NUBPL: variants seen among roughly 807,000 people sequenced by gnomAD.
NUBPL encodes NUBP iron-sulfur cluster assembly factor, mitochondrial.
Under a neutral mutation model 45.7 loss-of-function variants are expected in NUBPL, and 31 were observed. That is an observed-to-expected ratio of 0.68 (90% confidence interval 0.51 to 0.92). The LOEUF (loss-of-function observed/expected upper bound fraction) is 0.92, where lower values mean the gene tolerates loss of function less well. Ranked by LOEUF, NUBPL falls within the 40% of genes least tolerant of loss-of-function variation. The pLI is 0.00. For missense variants in NUBPL, 401 were observed against 398.7 expected, an observed-to-expected ratio of 1.01 and a Z score of -0.05; for synonymous variants, 144 against 140.9, an observed-to-expected ratio of 1.02 and a Z score of -0.15.
At chr14:31,762,182 C>G (rs955862782) in intron 6 of NUBPL, among the ~76,000 whole-genome samples, 3 of 152,116 alleles carry the variant, frequency 2.0e-5, no homozygotes, top group Non-Finnish European at 4.4e-5. Flanking sequence ...TCTTTTCTAA[C>G]TATGTTGTAA....
chr14:31,834,679 G>C (rs2040253138), intron 8 of NUBPL, among the ~76,000 whole-genome samples: 1 of 152,132 alleles, frequency 6.6e-6, no homozygotes, highest in Admixed American at 6.5e-5. Context: ...CTTTGAACTA[G>C]AATGCTGTTC....
chr14:31,701,128 C>CTAGCTAATG (rs1240790279), intron 6 of NUBPL, among the ~76,000 whole-genome samples: 1 of 151,338 alleles, frequency 6.6e-6, no homozygotes, highest in Non-Finnish European at 1.5e-5. Flanking sequence ...CACTCTGTAT[C>CTAGCTAATG]TAGCTAATCT....
chr14:31,714,524 A>C (rs948353854), intron 6 of NUBPL: 1 of 155,332 alleles, frequency 6.4e-6, no homozygotes, highest in African/African-American at 2.4e-5. Flanking sequence ...GGCGCAGCAC[A>C]TGGTGACAGC....
chr14:31,758,280 G>C (rs2038718799), intron 6 of NUBPL, among the ~76,000 whole-genome samples: 1 of 152,078 alleles, frequency 6.6e-6, no homozygotes, highest in Non-Finnish European at 1.5e-5. Flanking sequence ...TCATAAAGCT[G>C]TTTAATTATA....
At chr14:31,829,297 G>A (rs1435610512) in intron 8 of NUBPL, among the ~76,000 whole-genome samples, 1 of 149,732 alleles carries the variant, frequency 6.7e-6, no homozygotes, top group African/African-American at 2.5e-5. Flanking sequence ...TAAATTATTT[G>A]CCTTCTAAAC....
At chr14:31,737,608 C>T (rs1326581372) in intron 6 of NUBPL, among the ~76,000 whole-genome samples, 1 of 152,114 alleles carries the variant, frequency 6.6e-6, no homozygotes, top group African/African-American at 2.4e-5. Flanking sequence ...CATGGTAAAA[C>T]CCCATCTATT....
chr14:31,766,855 A>G (rs1413319983), intron 6 of NUBPL, among the ~76,000 whole-genome samples: 3 of 152,180 alleles, frequency 2.0e-5, no homozygotes, highest in Non-Finnish European at 4.4e-5. Context: ...TTTGTTCCTT[A>G]TGGAGTCTGA....
intron 6 of NUBPL, among the ~76,000 whole-genome samples, chr14:31,722,376 A>G (rs2037829748): frequency 2.6e-5 from 4 of 152,120 alleles, no homozygotes; most frequent in Admixed American, 2.0e-4. Flanking sequence ...TGTCTTTGCT[A>G]TTGTGAATAG....
intron 10 of NUBPL, among the ~76,000 whole-genome samples, chr14:31,854,358 A>G (rs939258467): frequency 1.3e-5 from 2 of 152,198 alleles, no homozygotes; most frequent in Admixed American, 6.5e-5. Context: ...TATCTCAGTT[A>G]TGTCCTTTAC....
rs552760300 is a variant in NUBPL at position 31,859,566 on chromosome 14, G to T, written c.*386G>T. On this transcript the variant is annotated 3_prime_UTR_variant, in exon 11 of 11. Coordinates refer to ENST00000281081, the MANE Select transcript of NUBPL (RefSeq NM_025152.3). ...ATTTGTGTATGGGCATAAGTATTAC[G>T]CCTTCCCACCAGGCAATTTGGACTG... is the stretch of plus-strand genomic sequence containing the variant. The T allele has an allele frequency of 3.1e-6, 1 of 318,872 alleles. No homozygotes were observed. Among genetic ancestry groups the T allele is most frequent in the South Asian group, 2.8e-5 (1 of 35,606 alleles). 19.8% of individuals were successfully genotyped at this position (318,872 alleles called of 1,614,324 possible). A position where few individuals can be genotyped will look rare whatever the true frequency, so the allele number is the denominator to read the frequency against.
At chr14:31,636,958 G>T (rs1231802549) in intron 4 of NUBPL, among the ~76,000 whole-genome samples, 1 of 152,008 alleles carries the variant, frequency 6.6e-6, no homozygotes, top group East Asian at 1.9e-4. Flanking sequence ...ATTTTTTATT[G>T]TGTCTATTTG....
intron 4 of NUBPL, among the ~76,000 whole-genome samples, chr14:31,637,221 C>G (rs891730917): frequency 5.9e-5 from 9 of 152,256 alleles, no homozygotes; most frequent in African/African-American, 2.2e-4. Flanking sequence ...CTCTTGTGGG[C>G]ATTTAGTGCT....
chr14:31,769,304 A>G (rs2038966477), intron 6 of NUBPL, among the ~76,000 whole-genome samples: 1 of 152,338 alleles, frequency 6.6e-6, no homozygotes, highest in South Asian at 2.1e-4. Flanking sequence ...AAAGAGTCAC[A>G]TTCCTCAGAT....
At position 31,844,645 on chromosome 14, in the gene NUBPL, C is replaced by T. The variant is rs537910453; in HGVS notation, c.694-1826C>T. On this transcript the variant is annotated intron_variant, in intron 8 of 10. Coordinates refer to ENST00000281081, the MANE Select transcript of NUBPL (RefSeq NM_025152.3). ...CTATTTCTCTTTTCAGAAAGAATAA[C>T]AATTTTTTCGCCTTCTTATCTATAT... is the stretch of plus-strand genomic sequence containing the variant. 5 of 127,924 alleles carry T rather than the reference C, an allele frequency of 3.9e-5. No individual in the cohort carries two copies. In the East Asian group the frequency reaches 1.2e-3, roughly 32 times the overall value. The allele number at this position is 127,924 out of a possible 1,614,324, so 7.9% of individuals were successfully genotyped here.
chr14:31,793,535 G>A (rs956143972), intron 7 of NUBPL, among the ~76,000 whole-genome samples: 1 of 152,034 alleles, frequency 6.6e-6, no homozygotes, highest in Non-Finnish European at 1.5e-5. Flanking sequence ...CTTCCTGGAG[G>A]GCTAGGCTGT....
At chr14:31,838,261 A>G (rs1459339349) in intron 8 of NUBPL, among the ~76,000 whole-genome samples, 1 of 145,106 alleles carries the variant, frequency 6.9e-6, no homozygotes, top group Non-Finnish European at 1.5e-5. Flanking sequence ...AGTTAAATAC[A>G]TATAACCTAA....
rs1206217532 is a variant in NUBPL, at chr14:31,672,177, T to C, written c.383-1178T>C. Among the ~76,000 whole-genome samples the C allele has an allele frequency of 2.6e-5, 4 of 152,162 alleles. No homozygotes were observed. In the East Asian group the frequency reaches 7.7e-4, roughly 29 times the overall value. ...CAATTTTTCATCTCAGATTTCAAAA[T>C]TGAGTTTTTCTACTTTTGTGGATTT... On this transcript the variant is annotated intron_variant, in intron 4 of 10. Transcript: ENST00000281081.
At chr14:31,624,709 C>T (rs7143323) in intron 4 of NUBPL, among the ~76,000 whole-genome samples, 45,869 of 151,904 alleles carry the variant, frequency 0.3, 7,664 homozygotes, top group South Asian at 0.41. Context: ...GGATTACAGG[C>T]GCCTGCCACC....
chr14:31,626,825 G>C (rs2035217751), intron 4 of NUBPL, among the ~76,000 whole-genome samples: 1 of 152,156 alleles, frequency 6.6e-6, no homozygotes, highest in Non-Finnish European at 1.5e-5. Flanking sequence ...TTATTACCAG[G>C]GTTGAGTGAT....
Sources: allele counts gnomAD v4.1 joint callset (sites outside exome capture counted in the v4.1 genomes callset), GRCh38; gene constraint gnomAD v4.1.1; transcripts MANE v1.5; gene names NCBI Gene and HGNC (gene_info 2026-07-23, HGNC 2026-07-21).